CSGALNACT1: variants seen among roughly 807,000 people sequenced by gnomAD.
The protein encoded by CSGALNACT1 is chondroitin sulfate N-acetylgalactosaminyltransferase 1, also known as beta4GalNAcT-1.
In CSGALNACT1, 52 loss-of-function variants were observed where a neutral mutation model predicts 51.0. That is an observed-to-expected ratio of 1.02 (90% CI 0.82 to 1.29). The LOEUF (loss-of-function observed/expected upper bound fraction) is 1.29, where lower values mean the gene tolerates loss of function less well. Ranked by LOEUF, CSGALNACT1 falls within the 50% of genes most tolerant of loss-of-function variation. The pLI is 0.00. For synonymous variants in CSGALNACT1, 341 were observed against 254.4 expected, an observed-to-expected ratio of 1.34 and a Z score of -3.24; for missense variants, 935 against 679.2, an observed-to-expected ratio of 1.38 and a Z score of -4.19.
At chr8:19,635,666 G>A (rs55885546) in intron 1 of CSGALNACT1, among the ~76,000 whole-genome samples, 2,884 of 152,288 alleles carry the variant, frequency 0.019, 52 homozygotes, top group South Asian at 0.04. Flanking sequence ...GATGGGCAGA[G>A]GGACACAGTT....
At chr8:19,610,063 A>C (rs1025386191) in intron 1 of CSGALNACT1, among the ~76,000 whole-genome samples, 2 of 151,888 alleles carry the variant, frequency 1.3e-5, no homozygotes, top group African/African-American at 4.8e-5. Flanking sequence ...CTCTACTAAA[A>C]ATACAAAAGT....
chr8:19,502,513 T>A (rs990895195), intron 4 of CSGALNACT1, among the ~76,000 whole-genome samples: 2 of 152,188 alleles, frequency 1.3e-5, no homozygotes, highest in African/African-American at 4.8e-5. Context: ...ATACAAAGAA[T>A]CCCCATCTTT....
chr8:19,529,545 C>T (rs2154051785), intron 3 of CSGALNACT1, among the ~76,000 whole-genome samples: 1 of 152,272 alleles, frequency 6.6e-6, no homozygotes, highest in Middle Eastern at 3.4e-3. Flanking sequence ...AACCCTTTCC[C>T]CATTACTAAT....
intron 3 of CSGALNACT1, among the ~76,000 whole-genome samples, chr8:19,520,945 A>T (rs1587749598): frequency 6.6e-6 from 1 of 152,152 alleles, no homozygotes; most frequent in Admixed American, 6.5e-5. Flanking sequence ...GCTTCTCTAC[A>T]ATCTACAGAG....
chr8:19,590,656 T>C (rs1169762007), intron 3 of CSGALNACT1, among the ~76,000 whole-genome samples: 2 of 143,328 alleles, frequency 1.4e-5, no homozygotes, highest in Non-Finnish European at 3.0e-5. Flanking sequence ...TTTTTTTTTT[T>C]TTTTTTTTTT....
intron 3 of CSGALNACT1, among the ~76,000 whole-genome samples, chr8:19,549,732 G>A (rs1008157561): frequency 6.7e-6 from 1 of 149,778 alleles, no homozygotes; most frequent in Non-Finnish European, 1.5e-5. Context: ...GTGCAGAGGA[G>A]GCTAATTTTT....
At chr8:19,521,691 C>T (rs894312595) in intron 3 of CSGALNACT1, among the ~76,000 whole-genome samples, 11 of 152,200 alleles carry the variant, frequency 7.2e-5, no homozygotes, top group African/African-American at 2.2e-4. Flanking sequence ...AGAAGAATAG[C>T]GCCAGGGTTT....
chr8:19,655,488 G>C (rs1023776962), intron 1 of CSGALNACT1, among the ~76,000 whole-genome samples: 1 of 151,958 alleles, frequency 6.6e-6, no homozygotes, highest in African/African-American at 2.4e-5. Context: ...AGCCTCCCAA[G>C]TAGCTGGAAC....
At chr8:19,538,865 G>A (rs987781948) in intron 3 of CSGALNACT1, among the ~76,000 whole-genome samples, 7 of 151,994 alleles carry the variant, frequency 4.6e-5, no homozygotes, top group Admixed American at 6.6e-5. Flanking sequence ...GCCTACCAAG[G>A]TCAACCTTGC....
chr8:19,550,915 A>T (rs1252701803), intron 3 of CSGALNACT1, among the ~76,000 whole-genome samples: 1 of 152,136 alleles, frequency 6.6e-6, no homozygotes, highest in Non-Finnish European at 1.5e-5. Context: ...TTCCAAGTCC[A>T]AGGCTTCTGG....
intron 1 of CSGALNACT1, among the ~76,000 whole-genome samples, chr8:19,706,451 T>C (rs1481139578): frequency 6.6e-6 from 1 of 152,106 alleles, no homozygotes; most frequent in African/African-American, 2.4e-5. Flanking sequence ...GTCAAGGAAT[T>C]GAATAACACA....
intron 5 of CSGALNACT1, chr8:19,457,634 C>A: frequency 1.6e-6 from 2 of 1,269,340 alleles, no homozygotes; most frequent in Non-Finnish European, 2.1e-6. Context: ...AATAAAAAAT[C>A]AGCTTGATCT....
intron 1 of CSGALNACT1, among the ~76,000 whole-genome samples, chr8:19,706,411 G>C (rs557072172): frequency 2.0e-5 from 3 of 152,290 alleles, no homozygotes; most frequent in Admixed American, 1.3e-4. Context: ...GGAAACCTAA[G>C]AGAGCAGTGG....
At chr8:19,442,191 C>G (rs1156328693) in intron 5 of CSGALNACT1, among the ~76,000 whole-genome samples, 2 of 152,124 alleles carry the variant, frequency 1.3e-5, no homozygotes, top group Non-Finnish European at 2.9e-5. Context: ...ACTAGAAATA[C>G]CGTTTGACCC....
At chr8:19,689,121 G>A (rs543069645) in intron 1 of CSGALNACT1, among the ~76,000 whole-genome samples, 303 of 152,134 alleles carry the variant, frequency 2.0e-3, no homozygotes, top group Middle Eastern at 6.8e-3. Flanking sequence ...CTATTGCCCC[G>A]TCCTCTGCAA....
rs141796995 is a variant in CSGALNACT1 at position 19,652,624 on chromosome 8, T to C, written c.-544+29849A>G. On this transcript the variant is annotated intron_variant, in intron 1 of 9. Coordinates refer to the CSGALNACT1 transcript ENST00000332246. Reference sequence around the variant, plus strand: ...CAAAACATAATGAGCCCCATCTCTTTGACCATCTCCTTCTCTATCCACTGC... The same window carrying C: ...CAAAACATAATGAGCCCCATCTCTTCGACCATCTCCTTCTCTATCCACTGC... Among the ~76,000 whole-genome samples, 414 of 152,342 alleles carry C rather than the reference T, an allele frequency of 2.7e-3. 8 individuals are homozygous for C. Among genetic ancestry groups the C allele is most frequent in the East Asian group, 7.5e-3 (39 of 5,192 alleles).
chr8:19,410,702 G>T (rs1260499723), intron 8 of CSGALNACT1, among the ~76,000 whole-genome samples: 1 of 152,228 alleles, frequency 6.6e-6, no homozygotes, highest in African/African-American at 2.4e-5. Context: ...AGGCAGTCTG[G>T]CTTATGAGCT....
At chr8:19,700,410 T>C (rs1460529231) in intron 1 of CSGALNACT1, among the ~76,000 whole-genome samples, 1 of 152,190 alleles carries the variant, frequency 6.6e-6, no homozygotes, top group African/African-American at 2.4e-5. Context: ...ATCTACAAAA[T>C]CAGGCTAATA....
chr8:19,477,185 C>G (rs2069932798), intron 4 of CSGALNACT1, among the ~76,000 whole-genome samples: 1 of 152,198 alleles, frequency 6.6e-6, no homozygotes, highest in South Asian at 2.1e-4. Flanking sequence ...TTATCAGTTA[C>G]TGCACTTTCA....
Sources: allele counts gnomAD v4.1 joint callset (sites outside exome capture counted in the v4.1 genomes callset), GRCh38; gene constraint gnomAD v4.1.1; transcripts MANE v1.5; gene names NCBI Gene and HGNC (gene_info 2026-07-23, HGNC 2026-07-21).